The following CDH13 variants were observed in gnomAD, a reference collection of about 807,000 sequenced individuals.
The protein encoded by CDH13 is cadherin-13.
CDH13 carries 24 observed loss-of-function variants against 63.8 expected under a neutral mutation model. The observed-to-expected ratio is 0.38, with a 90% CI of 0.27 to 0.53. The LOEUF (loss-of-function observed/expected upper bound fraction) is 0.53. Among genes scored for constraint, CDH13 ranks in the 20% least tolerant of loss-of-function variants. The probability of loss-of-function intolerance (pLI) is 0.85; values close to 1 mark genes in which losing one functional copy is unlikely to be tolerated. For synonymous variants in CDH13, 503 were observed against 355.3 expected, an observed-to-expected ratio of 1.42 and a Z score of -4.67; for missense variants, 1,049 against 903.1, an observed-to-expected ratio of 1.16 and a Z score of -2.07.
intron 6 of CDH13, among the ~76,000 whole-genome samples, chr16:83,380,959 C>T (rs182451913): frequency 6.6e-6 from 1 of 152,008 alleles, no homozygotes. Context: ...AAGGCACTCT[C>T]TTAGAGTTAG....
chr16:83,157,722 G>A (rs900078670), intron 4 of CDH13, among the ~76,000 whole-genome samples: 22 of 139,932 alleles, frequency 1.6e-4, no homozygotes, highest in African/African-American at 5.6e-4. Context: ...GTGAAACCCC[G>A]TCTCTACTAG....
At chr16:83,254,585 C>T (rs904807264) in intron 5 of CDH13, among the ~76,000 whole-genome samples, 3 of 152,112 alleles carry the variant, frequency 2.0e-5, no homozygotes, top group African/African-American at 7.2e-5. Context: ...TTTCTTTTTT[C>T]TCTGATCCTT....
At chr16:83,555,029 G>T (rs778782121) in intron 7 of CDH13, among the ~76,000 whole-genome samples, 1 of 152,028 alleles carries the variant, frequency 6.6e-6, no homozygotes, top group Non-Finnish European at 1.5e-5. Flanking sequence ...GCCAGAGGTG[G>T]AGGGTAGGAG....
At chr16:83,789,351 G>GT (rs1232646448) in intron 13 of CDH13, among the ~76,000 whole-genome samples, 87 of 137,956 alleles carry the variant, frequency 6.3e-4, no homozygotes, top group African/African-American at 1.2e-3. Context: ...TTTTTTGTTT[G>GT]TCTGTTTTGT....
intron 2 of CDH13, among the ~76,000 whole-genome samples, chr16:82,889,697 G>T (rs1288403121): frequency 6.6e-6 from 1 of 152,222 alleles, no homozygotes; most frequent in African/African-American, 2.4e-5. Flanking sequence ...ACACATGACA[G>T]AGTTGGCTCT....
intron 4 of CDH13, among the ~76,000 whole-genome samples, chr16:83,172,150 G>A (rs1597461318): frequency 6.6e-6 from 1 of 151,512 alleles, no homozygotes; most frequent in African/African-American, 2.4e-5. Context: ...CCTATAAAAA[G>A]AGAAATTTGG....
intron 11 of CDH13, among the ~76,000 whole-genome samples, chr16:83,762,795 C>T (rs116444660): frequency 6.6e-6 from 1 of 152,120 alleles, no homozygotes; most frequent in Admixed American, 6.5e-5. Context: ...GTGTAGGGTT[C>T]ATTGTTCCAT....
intron 8 of CDH13, among the ~76,000 whole-genome samples, chr16:83,643,848 G>A (rs757010046): frequency 6.6e-6 from 1 of 152,136 alleles, no homozygotes. Context: ...AGCCCCCCAA[G>A]TTTCCTGTCC....
intron 6 of CDH13, among the ~76,000 whole-genome samples, chr16:83,414,245 AGTT>A (rs1020529991): frequency 8.5e-5 from 13 of 152,208 alleles, no homozygotes; most frequent in East Asian, 1.9e-4. Flanking sequence ...TTGTCGTAGC[AGTT>A]GTTGTTTAAA....
chr16:83,162,346 T>C (rs9933360), intron 4 of CDH13, among the ~76,000 whole-genome samples: 15,156 of 152,180 alleles, frequency 0.1, 837 homozygotes, highest in Middle Eastern at 0.22. Context: ...TCATGCTTTA[T>C]TTACGTGATA....
intron 2 of CDH13, among the ~76,000 whole-genome samples, chr16:83,001,957 C>G (rs1228539591): frequency 1.3e-5 from 2 of 152,160 alleles, no homozygotes; most frequent in Non-Finnish European, 2.9e-5. Flanking sequence ...AAAAAAGGAG[C>G]TCACCTTAAA....
chr16:82,649,514 G>A (rs1910481781), intron 1 of CDH13, among the ~76,000 whole-genome samples: 1 of 152,198 alleles, frequency 6.6e-6, no homozygotes, highest in African/African-American at 2.4e-5. Context: ...TCTTTGAGAA[G>A]GTCCTTCCAG....
At chr16:82,791,862 C>T (rs2036322518) in intron 1 of CDH13, among the ~76,000 whole-genome samples, 1 of 152,192 alleles carries the variant, frequency 6.6e-6, no homozygotes, top group African/African-American at 2.4e-5. Context: ...GCCAAGGTTC[C>T]ATTCCCTGGA....
Position 82,734,129 on chromosome 16 carries a change from G to T in CDH13, c.45+106992G>T, listed in dbSNP as rs992859420. Among the ~76,000 whole-genome samples the T allele has an allele frequency of 2.6e-5, 4 of 152,220 alleles. No homozygotes were observed. In the East Asian group the frequency reaches 7.7e-4, roughly 29 times the overall value. On this transcript the variant is annotated intron_variant, in intron 1 of 13. Coordinates refer to ENST00000567109, the MANE Select transcript of CDH13 (RefSeq NM_001257.5). ...TGCAGGAACCACAGGACCATCTGGG[G>T]TCATGGTCAGCAACATGGCCAATGG...
intron 2 of CDH13, among the ~76,000 whole-genome samples, chr16:82,877,781 C>T (rs1202075281): frequency 7.1e-6 from 1 of 140,432 alleles, no homozygotes; most frequent in Non-Finnish European, 1.5e-5. Flanking sequence ...GCTTTACACA[C>T]AGCCACCTCT....
chr16:83,528,908 A>C lies in CDH13; in HGVS notation c.960+42253A>C, dbSNP rs367905570. Among the ~76,000 whole-genome samples, 137 of 152,264 alleles carry C rather than the reference A, an allele frequency of 9.0e-4. 2 individuals are homozygous for C. In the South Asian group the frequency reaches 0.027, roughly 30 times the overall value. On this transcript the variant is annotated intron_variant, in intron 7 of 13. Transcript: ENST00000567109. ...GCTATATAACTGTTTAATTAGCAGG[A>C]GTCACCTTGAGAAATGTCACCAGGG...
chr16:82,918,411 A>G (rs989312991), intron 2 of CDH13, among the ~76,000 whole-genome samples: 3 of 152,144 alleles, frequency 2.0e-5, no homozygotes, highest in East Asian at 1.9e-4. Flanking sequence ...GCAGATGGGC[A>G]GGGCCAGCAT....
chr16:83,635,332 C>CTTTTTTTT (rs71148847), intron 8 of CDH13, among the ~76,000 whole-genome samples: 6 of 46,732 alleles, frequency 1.3e-4, no homozygotes, highest in Non-Finnish European at 1.4e-4. Flanking sequence ...CATTTTCTTT[C>CTTTTTTTT]TTTTTTTTTT....
intron 6 of CDH13, among the ~76,000 whole-genome samples, chr16:83,464,978 C>A (rs35608695): frequency 0.028 from 4,253 of 152,268 alleles, 86 homozygotes; most frequent in Middle Eastern, 0.048. Flanking sequence ...GATATCAAGT[C>A]TGGGAATGAC....
Sources: gnomAD v4.1 joint callset for allele counts (sites outside exome capture counted in the v4.1 genomes callset) on GRCh38, gnomAD v4.1.1 for gene constraint, MANE v1.5 for transcripts, NCBI Gene and HGNC (gene_info 2026-07-23, HGNC 2026-07-21) for gene names.